The following A1BG variants were observed in gnomAD, a reference collection of about 807,000 sequenced individuals.
The protein encoded by A1BG is alpha-1B-glycoprotein.
In A1BG, 44 loss-of-function variants were observed where a neutral mutation model predicts 46.0. That is an observed-to-expected ratio of 0.96 (90% confidence interval 0.75 to 1.23). A1BG has a LOEUF of 1.23. Among genes scored for constraint, A1BG ranks in the 50% most tolerant of loss-of-function variants. The pLI, the probability that A1BG is intolerant of heterozygous loss-of-function variation, is 0.00. For synonymous variants in A1BG, 316 were observed against 314.7 expected (o/e 1.00, Z -0.04); for missense variants, 707 against 688.8 (o/e 1.03, Z -0.30).
chr19:58,351,826 C>T (rs2051962517), intron 4 of A1BG, 139 bp from the exon 5 acceptor site: 8 of 890,696 alleles, frequency 9.0e-6, no homozygotes, highest in South Asian at 1.8e-5. Flanking sequence ...AACGGAGTTT[C>T]GCTCTTGTTG....
Position 58,350,547 on chromosome 19 carries a change from C to A in A1BG, c.1015G>T (p.Glu339Ter). 6.5e-7 allele frequency: 1 copy of A among 1,548,394 alleles called. No homozygotes were observed. The highest frequency in any genetic ancestry group is 8.7e-7 in the Non-Finnish European group (1 of 1,146,000). The change falls in exon 6 of 8, where the codon GAG becomes TAG. Residue 339 changes from glutamate to a stop codon, truncating the protein, a stop_gained. Coordinates refer to ENST00000263100, the MANE Select transcript of A1BG (RefSeq NM_130786.4). LOFTEE classifies it high-confidence loss of function. ...LEGARFALVREDRGGRRVHRF... is the reference protein window; with the variant it reads ...LEGARFALVR Reference sequence around the variant, plus strand: ...TGCACGCGGCGCCCGCCCCTGTCCTCGCGCACCAGGGCGAAGCGCGCGCCC... The same window carrying A: ...TGCACGCGGCGCCCGCCCCTGTCCTAGCGCACCAGGGCGAAGCGCGCGCCC...
rs747367917 is a variant in A1BG, at chr19:58,347,629, T to C, written c.1204A>G (p.Arg402Gly). The C allele has an allele frequency of 4.2e-6, 6 of 1,445,258 alleles. No homozygotes were observed. In the African/African-American group the frequency reaches 7.7e-5, roughly 19 times the overall value. 89.5% of individuals were successfully genotyped at this position (1,445,258 alleles called of 1,614,324 possible). The change falls in exon 7 of 8, where the codon AGG (arginine) becomes GGG (glycine). Residue 402 changes from arginine (R) to glycine (G), a missense_variant. Coordinates refer to ENST00000263100, the MANE Select transcript of A1BG (RefSeq NM_130786.4). Reference sequence around the variant, plus strand: ...CTCCACGTCGCCCGGAGCTGAGGCCTGGGAGGGGGTCCTGGGCGGAGCGGG... The same window carrying C: ...CTCCACGTCGCCCGGAGCTGAGGCCCGGGAGGGGGTCCTGGGCGGAGCGGG... ...LELHVDGPPP[R>G]PQLRATWSGA...
chr19:58,349,392 A>G (rs1011170721), intron 6 of A1BG, among the ~76,000 whole-genome samples: 9 of 151,890 alleles, frequency 5.9e-5, no homozygotes, highest in African/African-American at 2.2e-4. Context: ...GTGACTCACA[A>G]GTGTAATCCC....
chr19:58,347,737 C>T, intron 6 of A1BG, 97 bp from the exon 7 acceptor site: 1 of 741,712 alleles, frequency 1.3e-6, no homozygotes, highest in Non-Finnish European at 1.8e-6. Context: ...CGCGCCTGCG[C>T]CTCAGCCCCG....
At chr19:58,351,101 G>A (rs916685025) in intron 5 of A1BG, 6 of 537,364 alleles carry the variant, frequency 1.1e-5, no homozygotes, top group Non-Finnish European at 2.0e-5. Context: ...AGCTGCCTCA[G>A]CAGAGGCCCT....
chr19:58,347,683 G>T (rs1344983993), intron 6 of A1BG, 43 bp from the exon 7 acceptor site: 12 of 1,270,860 alleles, frequency 9.4e-6, no homozygotes, highest in Non-Finnish European at 1.2e-5. Flanking sequence ...CACGCCCCAG[G>T]CCACGCCCCA....
chr19:58,349,728 AAAG>A (rs1194566243), intron 6 of A1BG: 1 of 151,482 alleles, frequency 6.6e-6, no homozygotes, highest in East Asian at 1.9e-4. Flanking sequence ...AGAGAGAGAG[AAAG>A]AAGAAAAAAG....
rs766717332 is a variant in A1BG at position 58,353,066 on chromosome 19, C to G, written c.202G>C (p.Glu68Gln). ...FQLFKNGVAQ[E>Q]PVHLDSPAIK... ...GCAGGTGAGTCAAGGTGCACAGGCT[C>G]CTGGGCCACCCCATTCTTGAACAGC... Residue 68 changes from glutamate (E) to glutamine (Q), a missense_variant, in exon 3 of 8, where the codon GAG (glutamate) becomes CAG (glutamine). Coordinates refer to ENST00000263100, the MANE Select transcript of A1BG (RefSeq NM_130786.4). 1 of 1,614,178 alleles carries G rather than the reference C, an allele frequency of 6.2e-7. No homozygotes were observed. The highest frequency in any genetic ancestry group is 8.5e-7 in the Non-Finnish European group (1 of 1,180,038).
At position 58,353,315 on chromosome 19, in the gene A1BG, C is replaced by A; in HGVS notation, c.47G>T (p.Gly16Val). 1 of 1,612,728 alleles carries A rather than the reference C, an allele frequency of 6.2e-7. No homozygotes were observed. The highest frequency in any genetic ancestry group is 1.1e-5 in the South Asian group (1 of 90,978). The change falls in exon 2 of 8, where the codon GGC becomes GTC. Residue 16 changes from glycine (G) to valine (V), a missense_variant. Transcript: ENST00000263100. ...ACATATGGCTGCTTCTGTCACTGGG[C>A]CCCAGGTGACACCTGCGGAGACAGC... ...VFLLLWGVTWGPVTEAAIFYE... is the reference protein window; with the variant it reads ...VFLLLWGVTWVPVTEAAIFYE...
rs1220977678 is a variant in A1BG, at chr19:58,347,160, C to T, written c.1481-131G>A. On this transcript the variant is annotated intron_variant, in intron 7 of 7. Transcript: ENST00000263100. ...CGTGGTCGGCTGCCAGCCGAGACCCCCATCTGCGCCTCCAGCTGCAGGGCC... is the reference window on the plus strand; with the variant it reads ...CGTGGTCGGCTGCCAGCCGAGACCCTCATCTGCGCCTCCAGCTGCAGGGCC... The T allele has an allele frequency of 2.2e-6, 3 of 1,346,982 alleles. No individual in the cohort carries two copies. In the South Asian group the frequency reaches 3.9e-5, roughly 17 times the overall value. The allele number at this position is 1,346,982 out of a possible 1,614,324, so 83.4% of individuals were successfully genotyped here.
At position 58,351,482 on chromosome 19, in the gene A1BG, ATCC is replaced by A; in HGVS notation, c.816_818del (p.Asp273del). 1 of 1,613,304 alleles carries A rather than the reference ATCC, an allele frequency of 6.2e-7. No homozygotes were observed. The highest frequency in any genetic ancestry group is 1.3e-5 in the African/African-American group (1 of 74,946). On this transcript the variant is annotated inframe_deletion, in exon 5 of 8. Transcript: ENST00000263100. Reference sequence around the variant, plus strand: ...GGTAGCGGCAGGTGTAGTGACCTCCATCCCCCAGGGCCACCGCGTTCAGGTGAA... The same window carrying A: ...GGTAGCGGCAGGTGTAGTGACCTCCACCCAGGGCCACCGCGTTCAGGTGAA...
rs745902277 is a variant in A1BG, at chr19:58,352,274, C to T, written c.613+9G>A. 6.2e-7 allele frequency: 1 copy of T among 1,612,530 alleles called. No individual in the cohort carries two copies. The highest frequency in any genetic ancestry group is 1.1e-5 in the South Asian group (1 of 91,012). ...CCCAGCAGCCCCCAGAGATGGTTCC[C>T]ACAGTCACCGAGCTCCTCAATGGTC... On this transcript the variant is annotated intron_variant, in intron 4 of 7. Transcript: ENST00000263100.
At chr19:58,352,114 C>T (rs2051965442) in intron 4 of A1BG, 169 bp downstream of exon 4, 2 of 1,461,630 alleles carry the variant, frequency 1.4e-6, no homozygotes, top group Non-Finnish European at 1.8e-6. Context: ...ATTCTTTGGG[C>T]ATCCTCTGCC....
chr19:58,350,375 A>G lies in A1BG; in HGVS notation c.1187T>C (p.Val396Ala), dbSNP rs959451115. Reference sequence around the variant, plus strand: ...CTGGTGCCCCGCCAGCTCACCGTCCACGTGCAGCTCCAAGCGCTCGCTGGG... The same window carrying G: ...CTGGTGCCCCGCCAGCTCACCGTCCGCGTGCAGCTCCAAGCGCTCGCTGGG... ...SAPSERLELH[V>A]DGPPPRPQLR... Residue 396 changes from valine to alanine, a missense_variant, in exon 6 of 8, where the codon GTG (valine) becomes GCG (alanine). Coordinates refer to ENST00000263100, the MANE Select transcript of A1BG (RefSeq NM_130786.4). 6 of 1,541,274 alleles carry G rather than the reference A, an allele frequency of 3.9e-6. No homozygotes were observed. In the African/African-American group the frequency reaches 8.3e-5, roughly 21 times the overall value.
chr19:58,351,462 C>T lies in A1BG; in HGVS notation c.839G>A (p.Arg280His), dbSNP rs747822956. 1.6e-5 allele frequency: 26 copies of T among 1,613,482 alleles called. No homozygotes were observed. The highest frequency in any genetic ancestry group is 1.6e-4 in the Middle Eastern group (1 of 6,084). The part of the protein sequence containing the change: ...ALGDGGHYTC[R>H]YRLHDNQNGW... ...GTTTTGGTTGTCATGCAGCCGGTAG[C>T]GGCAGGTGTAGTGACCTCCATCCCC... is the stretch of plus-strand genomic sequence containing the variant. Residue 280 changes from arginine (R) to histidine (H), a missense_variant, in exon 5 of 8, where the codon CGC becomes CAC. Transcript: ENST00000263100.
In A1BG at chr19:58,345,971, A is replaced by C. The variant is rs1474744209; in HGVS notation, c.*1051T>G. On this transcript the variant is annotated 3_prime_UTR_variant, in exon 8 of 8. Coordinates refer to ENST00000263100, the MANE Select transcript of A1BG (RefSeq NM_130786.4). ...TGGTTGGGAAGGCATCAGATGTCAG[A>C]TGGCACAAGAGGACTCAGAGCTGAG... 1.3e-5 allele frequency: 2 copies of C among 152,316 alleles called. No individual in the cohort carries two copies. Among genetic ancestry groups the C allele is most frequent in the East Asian group, 3.8e-4 (2 of 5,196 alleles). The allele number at this position is 152,316 out of a possible 1,614,324, so 9.4% of individuals were successfully genotyped here. A position where few individuals can be genotyped will look rare whatever the true frequency, so the allele number is the denominator to read the frequency against.
chr19:58,352,176 G>A (rs773106246), intron 4 of A1BG, 107 bp downstream of exon 4: 13 of 1,527,984 alleles, frequency 8.5e-6, no homozygotes, highest in African/African-American at 5.5e-5. Context: ...CAGCTTCCTG[G>A]ACCTGGTCCT....
intron 5 of A1BG, chr19:58,350,936 C>A: frequency 2.3e-6 from 1 of 428,778 alleles, no homozygotes; most frequent in Non-Finnish European, 4.1e-6. Context: ...GTGCACGATG[C>A]CGCTCAGTAG....
In A1BG at chr19:58,352,483, ACTG is replaced by A; in HGVS notation, c.410_412del (p.Ala137del). On this transcript the variant is annotated inframe_deletion, in exon 4 of 8. Transcript: ENST00000263100. ...CACACCCCGCAGCACACCTCGGCAC[ACTG>A]CTGTTGTTTTCAGGCCGGGGGTGAT... The A allele has an allele frequency of 6.2e-7, 1 of 1,613,432 alleles. No individual in the cohort carries two copies. Among genetic ancestry groups the A allele is most frequent in the Non-Finnish European group, 8.5e-7 (1 of 1,179,972 alleles).
Sources: gnomAD v4.1 joint callset for allele counts (sites outside exome capture counted in the v4.1 genomes callset) on GRCh38, gnomAD v4.1.1 for gene constraint, MANE v1.5 for transcripts, NCBI Gene and HGNC (gene_info 2026-07-23, HGNC 2026-07-21) for gene names.